SV2C: variants seen among roughly 807,000 people sequenced by gnomAD.
SV2C encodes solute carrier family 22 member B3.
In SV2C, 49 loss-of-function variants were observed where a neutral mutation model predicts 79.7. The ratio of observed to expected loss-of-function variants is 0.61; its 90% CI spans 0.49 to 0.78. SV2C has a LOEUF of 0.78. SV2C is among the 30% of genes least tolerant of loss of function. The pLI, the probability that SV2C is intolerant of heterozygous loss-of-function variation, is 0.00. For missense variants in SV2C, 833 were observed against 912.9 expected (o/e 0.91, Z 1.13); for synonymous variants, 334 against 333.2 (o/e 1.00, Z -0.03).
At chr5:76,012,806 T>G in the SV2C span, among the ~76,000 whole-genome samples, 7 of 152,306 alleles carry the variant, frequency 4.6e-5, 1 homozygote, top group African/African-American at 1.7e-4. Flanking sequence ...GGGGTCCAGT[T>G]TCAGTTTTCT....
chr5:76,226,979 A>G (rs1745267407), intron 4 of SV2C, among the ~76,000 whole-genome samples: 1 of 152,148 alleles, frequency 6.6e-6, no homozygotes, highest in South Asian at 2.1e-4. Context: ...AGAGAGAGAA[A>G]GAGCTTGGTT....
At chr5:76,247,965 AAG>A (rs1745994982) in intron 4 of SV2C, among the ~76,000 whole-genome samples, 1 of 152,232 alleles carries the variant, frequency 6.6e-6, no homozygotes, top group South Asian at 2.1e-4. Context: ...AGGTGACTGA[AAG>A]AGAATAAGCA....
chr5:76,224,353 T>G (rs941551202), intron 4 of SV2C, among the ~76,000 whole-genome samples: 1 of 152,208 alleles, frequency 6.6e-6, no homozygotes, highest in Non-Finnish European at 1.5e-5. Context: ...AGACAAAATA[T>G]GTATGTGTGT....
the SV2C span, among the ~76,000 whole-genome samples, chr5:76,064,284 A>G: frequency 0.51 from 77,953 of 152,002 alleles, 20,807 homozygotes; most frequent in East Asian, 0.72. Flanking sequence ...CTTTCTTCAA[A>G]GAAACCACAG....
intron 2 of SV2C, among the ~76,000 whole-genome samples, chr5:76,162,658 G>A (rs1290100962): frequency 6.6e-6 from 1 of 152,184 alleles, no homozygotes; most frequent in Non-Finnish European, 1.5e-5. Context: ...CTACATACAT[G>A]TCACACAAAA....
chr5:76,117,038 T>C (rs73130253), intron 1 of SV2C, among the ~76,000 whole-genome samples: 7,076 of 152,268 alleles, frequency 0.046, 544 homozygotes, highest in African/African-American at 0.16. Context: ...GAGCCTTGTC[T>C]TTCTGAATTA....
At chr5:76,117,070 T>C (rs1288621051) in intron 1 of SV2C, among the ~76,000 whole-genome samples, 1 of 152,210 alleles carries the variant, frequency 6.6e-6, no homozygotes, top group African/African-American at 2.4e-5. Context: ...GTCTGTCCCT[T>C]ATTTGTAGTG....
At chr5:75,896,271 T>G in the SV2C span, among the ~76,000 whole-genome samples, 1 of 143,720 alleles carries the variant, frequency 7.0e-6, no homozygotes, top group African/African-American at 2.5e-5. Flanking sequence ...TGTCCATATG[T>G]TCTCATTGTT....
the SV2C span, among the ~76,000 whole-genome samples, chr5:75,918,372 T>C: frequency 6.6e-6 from 1 of 152,252 alleles, no homozygotes; most frequent in Non-Finnish European, 1.5e-5. Context: ...ATGTAATTTA[T>C]AGGCTATTGA....
chr5:76,237,031 C>T (rs1363579831), intron 4 of SV2C, among the ~76,000 whole-genome samples: 4 of 152,214 alleles, frequency 2.6e-5, no homozygotes, highest in Non-Finnish European at 2.9e-5. Context: ...GTGCCTGCTT[C>T]TCCTTTGCCT....
chr5:76,021,571 A>T, the SV2C span, among the ~76,000 whole-genome samples: 2 of 152,186 alleles, frequency 1.3e-5, no homozygotes, highest in Non-Finnish European at 2.9e-5. Flanking sequence ...GTAAGGGCCA[A>T]ATTAATATTG....
chr5:76,200,934 C>T (rs1344291734), intron 3 of SV2C, among the ~76,000 whole-genome samples: 1 of 152,224 alleles, frequency 6.6e-6, no homozygotes, highest in African/African-American at 2.4e-5. Context: ...TGAGCTGCTG[C>T]ACCTGGCCAA....
chr5:75,954,861 A>G, the SV2C span, among the ~76,000 whole-genome samples: 1 of 142,702 alleles, frequency 7.0e-6, no homozygotes, highest in East Asian at 2.0e-4. Flanking sequence ...CTCTTCAAGG[A>G]GAACTACAAA....
chr5:76,085,825 C>A (rs1284330449), intron 1 of SV2C, among the ~76,000 whole-genome samples: 2 of 60,198 alleles, frequency 3.3e-5, no homozygotes, highest in Non-Finnish European at 6.1e-5. Flanking sequence ...AACAAAGCCC[C>A]TACACACACA....
intron 1 of SV2C, among the ~76,000 whole-genome samples, chr5:76,126,583 C>G (rs1340634869): frequency 6.6e-6 from 1 of 152,164 alleles, no homozygotes; most frequent in South Asian, 2.1e-4. Context: ...GTCCAGTCAG[C>G]TGGCAGGTAG....
At chr5:76,146,050 C>A (rs562007406) in intron 2 of SV2C, among the ~76,000 whole-genome samples, 2 of 149,744 alleles carry the variant, frequency 1.3e-5, no homozygotes, top group Admixed American at 6.6e-5. Context: ...TTCCACTCCA[C>A]ATGAAAAGCA....
chr5:75,908,791 G>T, the SV2C span, among the ~76,000 whole-genome samples: 4 of 152,062 alleles, frequency 2.6e-5, no homozygotes, highest in Non-Finnish European at 4.4e-5. Context: ...AGTGGTTTTG[G>T]CTCCACCAGC....
chr5:76,201,318 G>T (rs11741865), intron 3 of SV2C, among the ~76,000 whole-genome samples: 8,239 of 152,234 alleles, frequency 0.054, 312 homozygotes, highest in Non-Finnish European at 0.08. Flanking sequence ...TAAATTATTT[G>T]TAGCCAGTCA....
the SV2C span, among the ~76,000 whole-genome samples, chr5:75,945,530 G>T: frequency 3.3e-5 from 5 of 151,490 alleles, no homozygotes; most frequent in Admixed American, 3.3e-4. Context: ...TGTTGCTCAG[G>T]CTGGTCTCAA....
Sources: allele counts gnomAD v4.1 joint callset (sites outside exome capture counted in the v4.1 genomes callset), GRCh38; gene constraint gnomAD v4.1.1; transcripts MANE v1.5; gene names NCBI Gene and HGNC (gene_info 2026-07-23, HGNC 2026-07-21).